CPQ: variants seen among roughly 807,000 people sequenced by gnomAD.
CPQ encodes the protein Ser-Met dipeptidase.
CPQ carries 37 observed loss-of-function variants against 45.7 expected under a neutral mutation model. The observed-to-expected ratio is 0.81, with a 90% confidence interval of 0.62 to 1.07. The LOEUF (loss-of-function observed/expected upper bound fraction) is 1.07. CPQ is among the 50% of genes least tolerant of loss of function. The probability of loss-of-function intolerance (pLI) is 0.00; values close to 1 mark genes in which losing one functional copy is unlikely to be tolerated. For missense variants in CPQ, 537 were observed against 572.9 expected (o/e 0.94, Z 0.64); for synonymous variants, 186 against 205.8 (o/e 0.90, Z 0.82).
rs187592804 is a variant in CPQ at position 97,038,936 on chromosome 8, T to A, written c.1053+9442T>A. On this transcript the variant is annotated intron_variant, in intron 6 of 7. Transcript: ENST00000220763. Reference sequence around the variant, plus strand: ...TAGAAAACTTTCTTCTGAAGCCTTTTCTTATATCACGGTCACAGCTTTTAG... The same window carrying A: ...TAGAAAACTTTCTTCTGAAGCCTTTACTTATATCACGGTCACAGCTTTTAG... 2.2e-4 allele frequency among the ~76,000 whole-genome samples: 34 copies of A among 152,310 alleles called. 2 individuals carry two copies. Among genetic ancestry groups the A allele is most frequent in the African/African-American group, 7.7e-4 (32 of 41,572 alleles).
intron 4 of CPQ, among the ~76,000 whole-genome samples, chr8:96,917,046 C>T (rs1170513236): frequency 1.3e-5 from 2 of 151,908 alleles, no homozygotes; most frequent in Non-Finnish European, 2.9e-5. Context: ...CCTCCTTTTA[C>T]ACATTGCACT....
intron 4 of CPQ, among the ~76,000 whole-genome samples, chr8:96,910,653 T>C (rs920514300): frequency 5.3e-5 from 8 of 152,198 alleles, no homozygotes; most frequent in Admixed American, 3.3e-4. Flanking sequence ...TACAGGGGCC[T>C]GCCACCACGC....
At chr8:97,118,302 A>G (rs1422865214) in intron 7 of CPQ, among the ~76,000 whole-genome samples, 1 of 152,144 alleles carries the variant, frequency 6.6e-6, no homozygotes, top group Non-Finnish European at 1.5e-5. Flanking sequence ...CAGCCACCAG[A>G]TGGTGATTCT....
At position 97,096,492 on chromosome 8, in the gene CPQ, A is replaced by T. The variant is rs1006765005; in HGVS notation, c.1255+30282A>T. On this transcript the variant is annotated intron_variant, in intron 7 of 7. Coordinates refer to ENST00000220763, the MANE Select transcript of CPQ (RefSeq NM_016134.4). ...TCCCTAAATAACTAGGCAAAATATT[A>T]TAAATGCTAAAACGTACAACTACTA... 2.6e-5 allele frequency among the ~76,000 whole-genome samples: 4 copies of T among 152,206 alleles called. No individual in the cohort carries two copies. The South Asian group carries it at 8.3e-4, about 31-fold the overall frequency.
chr8:96,786,277 A>T (rs940126215), intron 2 of CPQ, among the ~76,000 whole-genome samples: 23 of 152,140 alleles, frequency 1.5e-4, no homozygotes, highest in Non-Finnish European at 4.4e-5. Context: ...ATAATAAATT[A>T]TGTGATCTTT....
At chr8:96,927,443 AG>A (rs1431999864) in intron 4 of CPQ, among the ~76,000 whole-genome samples, 30 of 152,220 alleles carry the variant, frequency 2.0e-4, no homozygotes, top group Admixed American at 2.0e-3. Context: ...GGGTGGATCT[AG>A]GTCACTCTGG....
chr8:96,951,155 T>TA (rs946461359), intron 4 of CPQ, among the ~76,000 whole-genome samples: 8 of 151,982 alleles, frequency 5.3e-5, no homozygotes, highest in Non-Finnish European at 1.0e-4. Context: ...TGTAATGGCA[T>TA]AAAAAAAACC....
chr8:96,948,746 G>A (rs1813221755), intron 4 of CPQ, among the ~76,000 whole-genome samples: 1 of 151,966 alleles, frequency 6.6e-6, no homozygotes, highest in African/African-American at 2.4e-5. Flanking sequence ...TGGTATCGAA[G>A]TTTCCTACTA....
intron 2 of CPQ, among the ~76,000 whole-genome samples, chr8:96,787,371 T>TA (rs948340551): frequency 1.3e-5 from 2 of 152,018 alleles, no homozygotes; most frequent in African/African-American, 4.8e-5. Context: ...TTTCAAATGT[T>TA]AAACAAACCT....
At chr8:96,699,411 T>C (rs1809427260) in intron 1 of CPQ, among the ~76,000 whole-genome samples, 1 of 152,118 alleles carries the variant, frequency 6.6e-6, no homozygotes, top group Non-Finnish European at 1.5e-5. Flanking sequence ...GAATAAGACC[T>C]AGCATTTGAT....
At chr8:96,740,126 CTT>C (rs772029570) in intron 1 of CPQ, among the ~76,000 whole-genome samples, 254 of 152,040 alleles carry the variant, frequency 1.7e-3, no homozygotes, top group Non-Finnish European at 3.1e-3. Context: ...TTTGTATCCT[CTT>C]TTATTTCCTT....
chr8:96,889,148 T>C (rs982448726), intron 4 of CPQ, among the ~76,000 whole-genome samples: 5 of 152,208 alleles, frequency 3.3e-5, no homozygotes, highest in African/African-American at 9.6e-5. Context: ...CTTTGTCCTG[T>C]AGGCAGCGCG....
chr8:97,001,122 G>A (rs1023355872), intron 5 of CPQ, among the ~76,000 whole-genome samples: 1 of 152,118 alleles, frequency 6.6e-6, no homozygotes, highest in Admixed American at 6.6e-5. Context: ...TTGCTTATCA[G>A]CTTAAGAAGC....
At chr8:96,940,338 AAG>A (rs1426304873) in intron 4 of CPQ, among the ~76,000 whole-genome samples, 1 of 152,186 alleles carries the variant, frequency 6.6e-6, no homozygotes, top group African/African-American at 2.4e-5. Context: ...CACATACAAA[AAG>A]AGAAAACCAT....
At chr8:97,111,423 G>T (rs910879955) in intron 7 of CPQ, among the ~76,000 whole-genome samples, 27 of 152,280 alleles carry the variant, frequency 1.8e-4, no homozygotes, top group Admixed American at 1.5e-3. Flanking sequence ...AATAGAAAGA[G>T]GAATCTGAGA....
intron 6 of CPQ, among the ~76,000 whole-genome samples, chr8:97,037,406 C>T (rs373078632): frequency 3.3e-5 from 5 of 152,176 alleles, no homozygotes; most frequent in South Asian, 2.1e-4. Context: ...TAATTGTGTC[C>T]GGACTATGTC....
Position 96,749,848 on chromosome 8 carries a change from T to G in CPQ, c.-34-35016T>G. On this transcript the variant is annotated intron_variant, in intron 1 of 7. Coordinates refer to ENST00000220763, the MANE Select transcript of CPQ (RefSeq NM_016134.4). ...TGTTTATACTTTTTTTCCCACCAAT[T>G]CTACTTCTAAGAATTTTTCCTAATG... Among the ~76,000 whole-genome samples, 2 of 152,300 alleles carry G rather than the reference T, an allele frequency of 1.3e-5. 1 individual carries two copies. The highest frequency in any genetic ancestry group is 4.1e-4 in the South Asian group (2 of 4,828).
intron 2 of CPQ, among the ~76,000 whole-genome samples, chr8:96,818,184 T>C (rs1022562519): frequency 6.6e-6 from 1 of 151,890 alleles, no homozygotes; most frequent in Non-Finnish European, 1.5e-5. Flanking sequence ...GAGAGCACCA[T>C]GTACTGCACC....
chr8:97,039,182 G>A (rs576298625), intron 6 of CPQ, among the ~76,000 whole-genome samples: 1 of 152,308 alleles, frequency 6.6e-6, no homozygotes, highest in East Asian at 1.9e-4. Context: ...TACCTTGTTG[G>A]AGGAAGAAGT....
Sources: allele counts gnomAD v4.1 joint callset (sites outside exome capture counted in the v4.1 genomes callset), GRCh38; gene constraint gnomAD v4.1.1; transcripts MANE v1.5; gene names NCBI Gene and HGNC (gene_info 2026-07-23, HGNC 2026-07-21).